The following DNAJC13 variants were observed in gnomAD, a reference collection of about 807,000 sequenced individuals.
DNAJC13 encodes the protein dnaJ homolog subfamily C member 13.
Under a neutral mutation model 290.5 loss-of-function variants are expected in DNAJC13, and 75 were observed. That is an observed-to-expected ratio of 0.26 (90% CI 0.21 to 0.31). The LOEUF is 0.31. DNAJC13 is among the 10% of genes least tolerant of loss of function. The pLI, the probability that DNAJC13 is intolerant of heterozygous loss-of-function variation, is 1.00. For synonymous variants in DNAJC13, 862 were observed against 892.0 expected, an observed-to-expected ratio of 0.97 and a Z score of 0.60; for missense variants, 2,260 against 2,674.5, an observed-to-expected ratio of 0.85 and a Z score of 3.42.
At chr3:132,495,022 A>G (rs1356632161) in intron 34 of DNAJC13, 66 bp from the exon 35 acceptor site, 2 of 1,061,772 alleles carry the variant, frequency 1.9e-6, no homozygotes, top group South Asian at 1.5e-5. Context: ...ATCATTTTAG[A>G]TGGTTTTGTA....
chr3:132,500,835 G>T lies in DNAJC13; in HGVS notation c.4458G>T (p.Gln1486His), dbSNP rs1266804755. ...GTAAATGCTACAGTGTGGCTGCTCA[G>T]TTTGAGGAATGCCGAGAGAAGATCA... ...YISKCYSVAAQFEECREKITE... is the reference protein window; with the variant it reads ...YISKCYSVAAHFEECREKITE... Residue 1486 changes from glutamine to histidine, a missense_variant, in exon 39 of 56, where the codon CAG (glutamine) becomes CAT (histidine). Around this residue, in one of 3 missense-constraint regions of DNAJC13, gnomAD observed 1,494 missense variants for 1,693.7 expected, o/e 0.88. Transcript: ENST00000260818. The T allele has an allele frequency of 1.2e-6, 2 of 1,614,088 alleles. No individual in the cohort carries two copies. The highest frequency in any genetic ancestry group is 3.3e-5 in the Admixed American group (2 of 60,024).
intron 48 of DNAJC13, among the ~76,000 whole-genome samples, chr3:132,520,222 C>T (rs748845409): frequency 6.6e-6 from 1 of 152,166 alleles, no homozygotes; most frequent in Non-Finnish European, 1.5e-5. Flanking sequence ...TCTGTTGTGA[C>T]AGGAAAATAG....
At chr3:132,475,139 T>G (rs1311420882) in intron 22 of DNAJC13, 54 bp downstream of exon 22, 6 of 1,360,204 alleles carry the variant, frequency 4.4e-6, no homozygotes, top group Non-Finnish European at 5.8e-6. Flanking sequence ...CATGTACTAT[T>G]TGGGGAGTGA....
At chr3:132,467,955 T>G (rs1934058054) in intron 20 of DNAJC13, among the ~76,000 whole-genome samples, 1 of 152,218 alleles carries the variant, frequency 6.6e-6, no homozygotes, top group Non-Finnish European at 1.5e-5. Context: ...GGACTTTGTT[T>G]TGCACCTATA....
chr3:132,449,102 A>G (rs916282585), intron 5 of DNAJC13, among the ~76,000 whole-genome samples: 1 of 152,158 alleles, frequency 6.6e-6, no homozygotes, highest in Non-Finnish European at 1.5e-5. Flanking sequence ...CTGATTTTAC[A>G]TCAGGAGTAA....
Position 132,507,325 on chromosome 3 carries a change from A to G in DNAJC13, c.5087A>G (p.Tyr1696Cys), listed in dbSNP as rs749065516. 1.9e-6 allele frequency: 3 copies of G among 1,609,852 alleles called. No individual in the cohort carries two copies. Among genetic ancestry groups the G allele is most frequent in the Non-Finnish European group, 2.6e-6 (3 of 1,176,252 alleles). Residue 1696 changes from tyrosine to cysteine, a missense_variant, in exon 43 of 56, where the codon TAT (tyrosine) becomes TGT (cysteine). Transcript: ENST00000260818. ...GTAGGGGAGATTTTTGTTAGGGTGT[A>G]TAATGAAGTTCCTACTTTCCAACTG... ...LIVGEIFVRV[Y>C]NEVPTFQLEV...
Position 132,471,821 on chromosome 3 carries a change from G to C in DNAJC13, c.2209-1324G>C, listed in dbSNP as rs561176437. 6.6e-3 allele frequency among the ~76,000 whole-genome samples: 967 copies of C among 147,566 alleles called. 22 individuals carry two copies. Among genetic ancestry groups the C allele is most frequent in the African/African-American group, 0.022 (909 of 41,050 alleles). The stretch of plus-strand genomic sequence containing the variant: ...AGACGATGGGCGGCCAGGCAGAGAC[G>C]GTCATCACTTCCCAGACGGGGTGGC... On this transcript the variant is annotated intron_variant, in intron 20 of 55. Transcript: ENST00000260818.
At chr3:132,514,795 C>T (rs1935873553) in intron 46 of DNAJC13, 125 bp downstream of exon 46, 1 of 685,110 alleles carries the variant, frequency 1.5e-6, no homozygotes, top group Admixed American at 3.0e-5. Context: ...GTTATTTACA[C>T]TAGATTTGTC....
intron 48 of DNAJC13, among the ~76,000 whole-genome samples, chr3:132,517,897 A>G (rs1935964956): frequency 6.6e-6 from 1 of 152,238 alleles, no homozygotes; most frequent in Non-Finnish European, 1.5e-5. Context: ...TTACTTTAGT[A>G]ATAAGTTAAT....
intron 31 of DNAJC13, among the ~76,000 whole-genome samples, 195 bp downstream of exon 31, chr3:132,489,216 T>C (rs547938830): frequency 5.3e-5 from 8 of 152,350 alleles, no homozygotes; most frequent in African/African-American, 1.7e-4. Flanking sequence ...AAAATAAATG[T>C]TGCTGACTCA....
chr3:132,500,970 C>T (rs1935389932), intron 39 of DNAJC13, 57 bp downstream of exon 39: 8 of 1,585,910 alleles, frequency 5.0e-6, no homozygotes, highest in Non-Finnish European at 6.0e-6. Context: ...TTTTTGTCAA[C>T]TAGCCAGTTC....
chr3:132,537,437 C>G (rs1391986032), intron 55 of DNAJC13, among the ~76,000 whole-genome samples: 1 of 152,206 alleles, frequency 6.6e-6, no homozygotes, highest in Non-Finnish European at 1.5e-5. Context: ...TTGTGCAGTG[C>G]TTCTGAGATG....
At position 132,521,517 on chromosome 3, in the gene DNAJC13, C is replaced by T. The variant is rs139913658; in HGVS notation, c.5674-1311C>T. Reference sequence around the variant, plus strand: ...TGGGTAACTTGTCTGTCTTTAGCTCCACAGTGAAAAAATTGAAATAAATGG... The same window carrying T: ...TGGGTAACTTGTCTGTCTTTAGCTCTACAGTGAAAAAATTGAAATAAATGG... On this transcript the variant is annotated intron_variant, in intron 48 of 55. Transcript: ENST00000260818. 1.2e-3 allele frequency among the ~76,000 whole-genome samples: 177 copies of T among 152,298 alleles called. 1 individual carries two copies. The highest frequency in any genetic ancestry group is 4.1e-3 in the African/African-American group (171 of 41,574).
chr3:132,464,609 ATT>A (rs552840100), intron 17 of DNAJC13, among the ~76,000 whole-genome samples: 1 of 149,650 alleles, frequency 6.7e-6, no homozygotes, highest in Non-Finnish European at 1.5e-5. Flanking sequence ...CTTGCCAGGG[ATT>A]TTTTTTTTAC....
Position 132,500,838 on chromosome 3 carries a change from T to G in DNAJC13, c.4461T>G (p.Phe1487Leu), listed in dbSNP as rs1935385234. 3 of 1,613,970 alleles carry G rather than the reference T, an allele frequency of 1.9e-6. No individual in the cohort carries two copies. The highest frequency in any genetic ancestry group is 1.7e-5 in the Admixed American group (1 of 60,002). ...AATGCTACAGTGTGGCTGCTCAGTT[T>G]GAGGAATGCCGAGAGAAGATCACGG... is the stretch of plus-strand genomic sequence containing the variant. ...ISKCYSVAAQ[F>L]EECREKITEM... Residue 1487 changes from phenylalanine to leucine, a missense_variant, in exon 39 of 56, where the codon TTT (phenylalanine) becomes TTG (leucine). This residue lies in a region of DNAJC13 where 1,494 missense variants were observed against 1,693.7 expected (regional missense o/e 0.88). Transcript: ENST00000260818.
chr3:132,492,512 T>C lies in DNAJC13; in HGVS notation c.3722T>C (p.Ile1241Thr), dbSNP rs1389274493. 1.9e-6 allele frequency: 3 copies of C among 1,613,916 alleles called. No homozygotes were observed. The highest frequency in any genetic ancestry group is 2.5e-6 in the Non-Finnish European group (3 of 1,179,858). Residue 1241 changes from isoleucine (I) to threonine (T), a missense_variant, in exon 33 of 56, where the codon ATA (isoleucine) becomes ACA (threonine). Coordinates refer to ENST00000260818, the MANE Select transcript of DNAJC13 (RefSeq NM_015268.4). ...CTTTATCAGTATTGCCCCATTCCTA[T>C]AATCAACTATCCACAACTCGAAAAT... Reference protein sequence around the residue: ...RALYQYCPIPIINYPQLENEL... With the variant: ...RALYQYCPIPTINYPQLENEL...
At chr3:132,423,869 T>C (rs1262115364) in intron 1 of DNAJC13, among the ~76,000 whole-genome samples, 12 of 152,200 alleles carry the variant, frequency 7.9e-5, no homozygotes, top group Non-Finnish European at 1.5e-5. Context: ...ACTGTAATGA[T>C]AGGAAAAACA....
rs144578368 is a variant in DNAJC13 at position 132,528,230 on chromosome 3, C to T, written c.6423C>T (p.Leu2141=). 57 of 1,614,070 alleles carry T rather than the reference C, an allele frequency of 3.5e-5. No individual in the cohort carries two copies. The African/African-American group carries it at 6.4e-4, about 18-fold the overall frequency. The stretch of plus-strand genomic sequence containing the variant: ...TGGTTCCATACCTCTTAAAATTACT[C>T]GAAGGCATTGGCCTTGAAAACCTGG... ...ADLVPYLLKL[L]EGIGLENLDS... Residue 2141 remains leucine, a synonymous_variant, in exon 54 of 56, where the codon CTC becomes CTT. Transcript: ENST00000260818.
rs1266469895 is a variant in DNAJC13, at chr3:132,526,147, G to A, written c.6247G>A (p.Val2083Ile). 2 of 1,613,942 alleles carry A rather than the reference G, an allele frequency of 1.2e-6. No homozygotes were observed. Among genetic ancestry groups the A allele is most frequent in the South Asian group, 2.2e-5 (2 of 91,060 alleles). ...TTCTCTTTTGGGCACTTAGCTGTGT[G>A]TTCGAGCCATGGCATCTTTAGAGAC... is the stretch of plus-strand genomic sequence containing the variant. ...IHALSENELC[V>I]RAMASLETIG... Residue 2083 changes from valine to isoleucine, a missense_variant, in exon 53 of 56, where the codon GTT becomes ATT. This residue lies in a region of DNAJC13 where 1,494 missense variants were observed against 1,693.7 expected (regional missense o/e 0.88). Coordinates refer to ENST00000260818, the MANE Select transcript of DNAJC13 (RefSeq NM_015268.4).
Sources: gnomAD v4.1 joint callset for allele counts (sites outside exome capture counted in the v4.1 genomes callset) on GRCh38, gnomAD v4.1.1 for gene constraint, gnomAD v4.1.1 regional missense constraint, MANE v1.5 for transcripts, NCBI Gene and HGNC (gene_info 2026-07-23, HGNC 2026-07-21) for gene names.